RBFOX1: variants seen among roughly 807,000 people sequenced by gnomAD.
The protein encoded by RBFOX1 is RNA binding protein fox-1 homolog 1.
A neutral mutation model predicts 57.7 loss-of-function variants in RBFOX1; 8 were observed. The observed-to-expected ratio is 0.14, with a 90% CI of 0.08 to 0.25. The LOEUF (loss-of-function observed/expected upper bound fraction) is 0.25. RBFOX1 is among the 10% of genes least tolerant of loss of function. The pLI is 1.00. For synonymous variants in RBFOX1, 326 were observed against 222.4 expected (o/e 1.47, Z -4.15); for missense variants, 611 against 548.5 (o/e 1.11, Z -1.14).
chr16:7,294,995 G>A (rs2095862845), intron 4 of RBFOX1, among the ~76,000 whole-genome samples: 1 of 152,226 alleles, frequency 6.6e-6, no homozygotes, highest in Non-Finnish European at 1.5e-5. Context: ...TACCTTGCAG[G>A]ATTTTGTGAA....
intron 1 of RBFOX1, among the ~76,000 whole-genome samples, chr16:5,340,898 T>C (rs998831387): frequency 2.0e-5 from 3 of 151,808 alleles, no homozygotes. Context: ...GACAGCTGGG[T>C]AAGTGGGAGG....
intron 2 of RBFOX1, among the ~76,000 whole-genome samples, chr16:6,321,499 A>G (rs2081784773): frequency 2.0e-5 from 3 of 152,172 alleles, no homozygotes; most frequent in South Asian, 2.1e-4. Flanking sequence ...TTGATCCAGA[A>G]CTAAAGGTTT....
chr16:6,712,341 G>C (rs1014998070), intron 3 of RBFOX1, among the ~76,000 whole-genome samples: 1 of 152,106 alleles, frequency 6.6e-6, no homozygotes. Flanking sequence ...ATGTGTGCCC[G>C]AGACCACGTT....
At chr16:7,437,564 T>G (rs2149776805) in intron 4 of RBFOX1, among the ~76,000 whole-genome samples, 1 of 152,198 alleles carries the variant, frequency 6.6e-6, no homozygotes, top group Non-Finnish European at 1.5e-5. Flanking sequence ...TCAGCAAAAT[T>G]TCATGTATTT....
At position 7,089,059 on chromosome 16, in the gene RBFOX1, G is replaced by T. The variant is rs537008372; in HGVS notation, c.27+36961G>T. 1.8e-4 allele frequency among the ~76,000 whole-genome samples: 28 copies of T among 152,248 alleles called. 1 individual carries two copies. The South Asian group carries it at 5.6e-3, about 30-fold the overall frequency. Reference sequence around the variant, plus strand: ...GTCTCTAGGTCTGCCTTGCCCCTCAGTGAGCCTTGTCATTTACACCCTTGC... The same window carrying T: ...GTCTCTAGGTCTGCCTTGCCCCTCATTGAGCCTTGTCATTTACACCCTTGC... On this transcript the variant is annotated intron_variant, in intron 4 of 15. Coordinates refer to ENST00000550418, the MANE Select transcript of RBFOX1 (RefSeq NM_018723.4).
chr16:5,952,192 C>T (rs1403169034), intron 4 of RBFOX1, among the ~76,000 whole-genome samples: 2 of 150,878 alleles, frequency 1.3e-5, no homozygotes, highest in African/African-American at 2.4e-5. Flanking sequence ...ACTCTGTTTC[C>T]CTGGCTGGAG....
chr16:7,088,103 A>T (rs535272373), intron 4 of RBFOX1, among the ~76,000 whole-genome samples: 2 of 152,170 alleles, frequency 1.3e-5, no homozygotes, highest in South Asian at 4.1e-4. Context: ...TTTTATTTTC[A>T]GTTGCAAAAA....
chr16:6,719,479 C>A (rs964756336), intron 3 of RBFOX1, among the ~76,000 whole-genome samples: 2 of 150,878 alleles, frequency 1.3e-5, no homozygotes, highest in African/African-American at 2.4e-5. Context: ...CTTGCTCTGT[C>A]ACCCAGGATG....
intron 4 of RBFOX1, among the ~76,000 whole-genome samples, chr16:7,306,861 A>C (rs2096201311): frequency 6.6e-6 from 1 of 152,108 alleles, no homozygotes; most frequent in Non-Finnish European, 1.5e-5. Context: ...CACATACATA[A>C]ATCATATCGA....
chr16:5,567,750 C>G (rs530906346), intron 2 of RBFOX1, among the ~76,000 whole-genome samples: 17 of 150,760 alleles, frequency 1.1e-4, no homozygotes, highest in Middle Eastern at 6.9e-3. Flanking sequence ...ATTGTCATTA[C>G]CATCATCATT....
chr16:6,317,232 A>T (rs558672450), intron 2 of RBFOX1, among the ~76,000 whole-genome samples, 175 bp downstream of exon 2: 1 of 152,320 alleles, frequency 6.6e-6, no homozygotes, highest in East Asian at 1.9e-4. Context: ...CCTGCAAGGT[A>T]GAACCACCCT....
intron 4 of RBFOX1, among the ~76,000 whole-genome samples, chr16:7,423,529 C>G (rs1157390300): frequency 2.0e-5 from 3 of 152,090 alleles, no homozygotes; most frequent in Middle Eastern, 3.2e-3. Context: ...TGCATTAAAA[C>G]TTCTGTCACC....
At chr16:6,930,179 G>T (rs1372555470) in intron 3 of RBFOX1, among the ~76,000 whole-genome samples, 1 of 152,168 alleles carries the variant, frequency 6.6e-6, no homozygotes, top group African/African-American at 2.4e-5. Flanking sequence ...TCCCATCTTT[G>T]ATAAGGGATT....
intron 4 of RBFOX1, among the ~76,000 whole-genome samples, chr16:7,403,978 T>C (rs910007778): frequency 1.3e-5 from 2 of 150,330 alleles, no homozygotes; most frequent in African/African-American, 4.8e-5. Context: ...GTTTTTATTA[T>C]TGTGAATATG....
intron 3 of RBFOX1, among the ~76,000 whole-genome samples, chr16:5,813,724 G>A (rs1367311884): frequency 6.6e-6 from 1 of 152,172 alleles, no homozygotes; most frequent in Non-Finnish European, 1.5e-5. Context: ...GATATATCAT[G>A]CTCTTAGCAG....
At chr16:5,835,393 C>T (rs565748984) in intron 3 of RBFOX1, among the ~76,000 whole-genome samples, 1 of 152,354 alleles carries the variant, frequency 6.6e-6, no homozygotes, top group Non-Finnish European at 1.5e-5. Context: ...CGGTGCTACA[C>T]ATCTGGATTC....
intron 4 of RBFOX1, among the ~76,000 whole-genome samples, chr16:5,958,159 T>G (rs1339899810): frequency 6.6e-6 from 1 of 152,200 alleles, no homozygotes; most frequent in Non-Finnish European, 1.5e-5. Context: ...GAGATACTTT[T>G]TTGTGTAAAG....
chr16:6,308,979 C>G (rs547036605), intron 1 of RBFOX1, among the ~76,000 whole-genome samples: 2 of 152,126 alleles, frequency 1.3e-5, no homozygotes, highest in East Asian at 3.9e-4. Flanking sequence ...ACAAGAATAC[C>G]TTGATGATAT....
In RBFOX1 at chr16:6,925,109, G is replaced by GTTTTTTTTTTTTTTTTTTTTT. The variant is rs57556084; in HGVS notation, c.-15-126926_-15-126906dup. 1.1e-4 allele frequency among the ~76,000 whole-genome samples: 5 copies of GTTTTTTTTTTTTTTTTTTTTT among 45,250 alleles called. 2 individuals carry two copies. The highest frequency in any genetic ancestry group is 4.4e-4 in the African/African-American group (5 of 11,332). 29.7% of individuals were successfully genotyped at this position (45,250 alleles called of 152,430 possible). ...TCGTTGTTGGACATCTAGGTTGTTG[G>GTTTTTTTTTTTTTTTTTTTTT]TTTTTTTTTTTTTTTTTTTTTTTTT... On this transcript the variant is annotated intron_variant, in intron 3 of 15. Coordinates refer to ENST00000550418, the MANE Select transcript of RBFOX1 (RefSeq NM_018723.4).
Sources: gnomAD v4.1 joint callset for allele counts (sites outside exome capture counted in the v4.1 genomes callset) on GRCh38, gnomAD v4.1.1 for gene constraint, MANE v1.5 for transcripts, NCBI Gene and HGNC (gene_info 2026-07-23, HGNC 2026-07-21) for gene names.